Variants in HNRNPUL1 observed in about 807,000 individuals in gnomAD.
HNRNPUL1 encodes heterogeneous nuclear ribonucleoprotein U-like protein 1.
A neutral mutation model predicts 108.5 loss-of-function variants in HNRNPUL1; 14 were observed. That is an observed-to-expected ratio of 0.13 (90% CI 0.09 to 0.20). The LOEUF (loss-of-function observed/expected upper bound fraction) is 0.20, where lower values mean the gene tolerates loss of function less well. HNRNPUL1 is among the 10% of genes least tolerant of loss of function. HNRNPUL1 has a pLI of 1.00. For synonymous variants in HNRNPUL1, 422 were observed against 445.2 expected (o/e 0.95, Z 0.66); for missense variants, 804 against 1,168.3 (o/e 0.69, Z 4.55).
Position 41,292,089 on chromosome 19 carries a change from A to G in HNRNPUL1, c.1000-156A>G, listed in dbSNP as rs76311569. Among the ~76,000 whole-genome samples the G allele has an allele frequency of 0.029, 4,446 of 151,936 alleles. 247 individuals carry two copies. Among genetic ancestry groups the G allele is most frequent in the African/African-American group, 0.1 (4,209 of 41,418 alleles). Reference sequence around the variant, plus strand: ...GGGCTGGACATTCTCTGAGATGTTCACTGATGCTGCCCAGCTTACCTGTAT... The same window carrying G: ...GGGCTGGACATTCTCTGAGATGTTCGCTGATGCTGCCCAGCTTACCTGTAT... On this transcript the variant is annotated intron_variant, in intron 7 of 14. Transcript: ENST00000392006. The surrounding 1 kb of genome is among the most constrained non-coding windows in gnomAD (Gnocchi z 4.1).
At chr19:41,299,671 C>T (rs2037091461) in intron 10 of HNRNPUL1, among the ~76,000 whole-genome samples, 1 of 152,080 alleles carries the variant, frequency 6.6e-6, no homozygotes, top group South Asian at 2.1e-4. Flanking sequence ...AAATTTGAGA[C>T]TCAGGCTACT....
intron 7 of HNRNPUL1, chr19:41,286,585 A>G (rs2036240586): frequency 6.6e-6 from 1 of 152,080 alleles, no homozygotes; most frequent in Non-Finnish European, 1.5e-5. Context: ...TCAATGCCGA[A>G]CTTAGTGTGG....
At chr19:41,295,747 T>C (rs984338764) in intron 10 of HNRNPUL1, among the ~76,000 whole-genome samples, 18 of 152,218 alleles carry the variant, frequency 1.2e-4, no homozygotes, top group Admixed American at 1.2e-3. Flanking sequence ...AAAGGGCTCC[T>C]GATAAGAGTG....
chr19:41,304,240 C>T lies in HNRNPUL1; in HGVS notation c.2241C>T (p.Val747=). The T allele has an allele frequency of 6.2e-7, 1 of 1,610,632 alleles. No individual in the cohort carries two copies. Among genetic ancestry groups the T allele is most frequent in the Non-Finnish European group, 8.5e-7 (1 of 1,177,858 alleles). The change falls in exon 13 of 15, where the codon GTC becomes GTT. Residue 747 remains valine (V), a synonymous_variant. Coordinates refer to ENST00000392006, the MANE Select transcript of HNRNPUL1 (RefSeq NM_007040.6). ...GSSANTSTPT[V]SSYSPPQPSY... ...GCGCCAATACCAGCACCCCCACCGTCAGCAGCTACAGCCCTCCACAGGTGA... is the reference window on the plus strand; with the variant it reads ...GCGCCAATACCAGCACCCCCACCGTTAGCAGCTACAGCCCTCCACAGGTGA...
chr19:41,302,982 T>C (rs2037324822), intron 12 of HNRNPUL1, 33 bp downstream of exon 12: 1 of 1,507,828 alleles, frequency 6.6e-7, no homozygotes, highest in Non-Finnish European at 8.9e-7. Context: ...CTCTCCACTT[T>C]CTGTTCCCAG....
rs765715604 is a variant in HNRNPUL1, at chr19:41,292,409, G to A, written c.1164G>A (p.Glu388=). The A allele has an allele frequency of 6.2e-7, 1 of 1,614,206 alleles. No individual in the cohort carries two copies. The highest frequency in any genetic ancestry group is 2.2e-5 in the East Asian group (1 of 44,886). The change falls in exon 8 of 15, where the codon GAG becomes GAA. Residue 388 remains glutamate, a synonymous_variant. Transcript: ENST00000392006. The surrounding 1 kb of genome is among the most constrained non-coding windows in gnomAD (Gnocchi z 4.1). ...AVEFNFGQRA[E]PYCSVLPGFT... ...AGTTCAACTTCGGACAGAGAGCAGAGCCCTACTGTTCTGTCCTCCCGGGGT... is the reference window on the plus strand; with the variant it reads ...AGTTCAACTTCGGACAGAGAGCAGAACCCTACTGTTCTGTCCTCCCGGGGT...
Position 41,306,433 on chromosome 19 carries a change from T to C in HNRNPUL1, c.2455-16T>C. 1 of 1,551,898 alleles carries C rather than the reference T, an allele frequency of 6.4e-7. No individual in the cohort carries two copies. The highest frequency in any genetic ancestry group is 8.7e-7 in the Non-Finnish European group (1 of 1,145,938). ...TGGATGCAGGACAACTTGGTGTTCT[T>C]GGTTTCTTTCCCCAGTATGCCCAGC... On this transcript the variant is annotated splice_polypyrimidine_tract_variant and intron_variant, in intron 14 of 14. Coordinates refer to ENST00000392006, the MANE Select transcript of HNRNPUL1 (RefSeq NM_007040.6).
chr19:41,265,375 T>C, intron 1 of HNRNPUL1: 1 of 1,518,314 alleles, frequency 6.6e-7, no homozygotes, highest in Non-Finnish European at 8.8e-7. Flanking sequence ...GTGGAGGCGC[T>C]GGTGTCTGTG....
intron 10 of HNRNPUL1, among the ~76,000 whole-genome samples, chr19:41,296,533 T>C (rs1483500109): frequency 6.6e-6 from 1 of 152,220 alleles, no homozygotes; most frequent in Non-Finnish European, 1.5e-5. Flanking sequence ...AGCCATAGGC[T>C]ACTCAGGCTG....
chr19:41,267,698 T>C (rs1189084234), intron 1 of HNRNPUL1, among the ~76,000 whole-genome samples: 1 of 152,234 alleles, frequency 6.6e-6, no homozygotes, highest in African/African-American at 2.4e-5. Flanking sequence ...GGTAGGGCCC[T>C]TGGGGCCCTA....
Position 41,270,380 on chromosome 19 carries a change from G to GCAA in HNRNPUL1, c.419-1699_419-1697dup, listed in dbSNP as rs1286789576. 4.6e-5 allele frequency among the ~76,000 whole-genome samples: 7 copies of GCAA among 152,026 alleles called. No individual in the cohort carries two copies. The East Asian group carries it at 1.2e-3, about 25-fold the overall frequency. ...ATGGCAGCACTGCATTCCAGCCTGG[G>GCAA]CAACAGTAAGCCTCTGTCTCCAAAA... On this transcript the variant is annotated intron_variant, in intron 2 of 14. Transcript: ENST00000392006.
In HNRNPUL1 at chr19:41,304,236, C is replaced by T. The variant is rs375447450; in HGVS notation, c.2237C>T (p.Thr746Ile). ...TCAAGCGCCAATACCAGCACCCCCACCGTCAGCAGCTACAGCCCTCCACAG... is the reference window on the plus strand; with the variant it reads ...TCAAGCGCCAATACCAGCACCCCCATCGTCAGCAGCTACAGCCCTCCACAG... The part of the protein sequence containing the change: ...PGSSANTSTP[T>I]VSSYSPPQPS... Residue 746 changes from threonine to isoleucine, a missense_variant, in exon 13 of 15, where the codon ACC (threonine) becomes ATC (isoleucine). By Grantham distance (89) the Thr-to-Ile change is moderately conservative. Transcript: ENST00000392006. 1 of 1,611,428 alleles carries T rather than the reference C, an allele frequency of 6.2e-7. No homozygotes were observed. Among genetic ancestry groups the T allele is most frequent in the South Asian group, 1.1e-5 (1 of 90,894 alleles).
In HNRNPUL1 at chr19:41,305,593, G is replaced by C. The variant is rs139317696; in HGVS notation, c.2263-83G>C. The C allele has an allele frequency of 4.3e-4, 674 of 1,561,880 alleles. No individual in the cohort carries two copies. In the African/African-American group the frequency reaches 8.1e-3, roughly 19 times the overall value. On this transcript the variant is annotated intron_variant, in intron 13 of 14. Coordinates refer to ENST00000392006, the MANE Select transcript of HNRNPUL1 (RefSeq NM_007040.6). ...CCCCTGTGGGCCAACCACTTAAAAA[G>C]GCCCTTTTTCCATCCCAGCATTTCA...
At chr19:41,286,217 G>T (rs372302271) in intron 7 of HNRNPUL1, among the ~76,000 whole-genome samples, 2 of 151,250 alleles carry the variant, frequency 1.3e-5, no homozygotes, top group Non-Finnish European at 2.9e-5. Context: ...TAGTCATAGG[G>T]ATCTGAGAGT....
chr19:41,275,437 G>A (rs1185523607), intron 4 of HNRNPUL1, among the ~76,000 whole-genome samples: 9 of 152,012 alleles, frequency 5.9e-5, no homozygotes, highest in Admixed American at 5.2e-4. Flanking sequence ...GCAGTGAGCC[G>A]AGATCATGCC....
chr19:41,297,173 A>T (rs1221953835), intron 10 of HNRNPUL1, among the ~76,000 whole-genome samples: 1 of 152,216 alleles, frequency 6.6e-6, no homozygotes, highest in Non-Finnish European at 1.5e-5. Context: ...AGGAAGCTGA[A>T]GCCTCTGCAG....
chr19:41,271,566 C>T (rs1419015347), intron 2 of HNRNPUL1, among the ~76,000 whole-genome samples: 2 of 152,162 alleles, frequency 1.3e-5, no homozygotes, highest in Admixed American at 6.5e-5. Flanking sequence ...CTGTGGTTTG[C>T]TCTTGGTTAG....
At position 41,265,232 on chromosome 19, in the gene HNRNPUL1, G is replaced by A. The variant is rs946403371; in HGVS notation, c.295+434G>A. On this transcript the variant is annotated intron_variant, in intron 1 of 14. Coordinates refer to ENST00000392006, the MANE Select transcript of HNRNPUL1 (RefSeq NM_007040.6). ...CGTGTGGGCTGGGGGGTGGGGAGCC[G>A]TGTTTCCAGGGTGGGGAAGGAATGT... is the stretch of plus-strand genomic sequence containing the variant. 14 of 1,523,160 alleles carry A rather than the reference G, an allele frequency of 9.2e-6. No homozygotes were observed. The Admixed American group carries it at 1.4e-4, about 15-fold the overall frequency. The allele number at this position is 1,523,160 out of a possible 1,614,324, so 94.4% of individuals were successfully genotyped here.
chr19:41,266,009 G>C (rs923182307), intron 1 of HNRNPUL1, among the ~76,000 whole-genome samples: 26 of 152,128 alleles, frequency 1.7e-4, no homozygotes, highest in Non-Finnish European at 3.8e-4. Flanking sequence ...GGGAGTGGGG[G>C]CCCTCGGGGA....
Sources: gnomAD v4.1 joint callset for allele counts (sites outside exome capture counted in the v4.1 genomes callset) on GRCh38, gnomAD v4.1.1 for gene constraint, Gnocchi (gnomAD v3.1) non-coding constraint, MANE v1.5 for transcripts, NCBI Gene and HGNC (gene_info 2026-07-23, HGNC 2026-07-21) for gene names.